LRRC4C: variants seen among roughly 807,000 people sequenced by gnomAD.
LRRC4C encodes the protein leucine rich repeat containing 4C.
A neutral mutation model predicts 33.6 loss-of-function variants in LRRC4C; 5 were observed. That is an observed-to-expected ratio of 0.15 (90% CI 0.08 to 0.31). The LOEUF is 0.31. Ranked by LOEUF, LRRC4C falls within the 10% of genes least tolerant of loss-of-function variation. LRRC4C has a pLI of 1.00. For synonymous variants in LRRC4C, 329 were observed against 302.0 expected, an observed-to-expected ratio of 1.09 and a Z score of -0.93; for missense variants, 560 against 796.7, an observed-to-expected ratio of 0.70 and a Z score of 3.58.
At chr11:41,384,038 T>C (rs771637934) in intron 1 of LRRC4C, among the ~76,000 whole-genome samples, 7 of 151,992 alleles carry the variant, frequency 4.6e-5, no homozygotes, top group Non-Finnish European at 8.8e-5. Flanking sequence ...TAGTTGTTTT[T>C]GTTGGTGTTA....
At chr11:41,313,109 A>G (rs766292444) in intron 1 of LRRC4C, among the ~76,000 whole-genome samples, 38 of 152,204 alleles carry the variant, frequency 2.5e-4, no homozygotes, top group Non-Finnish European at 4.8e-4. Context: ...TGTTTGATAC[A>G]TACGCCTCTT....
intron 3 of LRRC4C, among the ~76,000 whole-genome samples, chr11:40,596,191 G>A (rs1040257099): frequency 1.3e-5 from 2 of 152,136 alleles, no homozygotes; most frequent in African/African-American, 4.8e-5. Flanking sequence ...ATGGCGCAAG[G>A]CTAGGAGGTG....
intron 2 of LRRC4C, among the ~76,000 whole-genome samples, chr11:40,760,532 T>C (rs1949156734): frequency 6.6e-6 from 1 of 152,034 alleles, no homozygotes; most frequent in Admixed American, 6.6e-5. Flanking sequence ...CAATATTATG[T>C]ATAGAAGTGT....
chr11:41,222,000 G>A lies in LRRC4C; in HGVS notation c.-496+237431C>T, dbSNP rs182942866. On this transcript the variant is annotated intron_variant, in intron 1 of 6. Coordinates refer to ENST00000528697, the MANE Select transcript of LRRC4C (RefSeq NM_001258419.2). ...TCTCATGGCTAACAACATATCTTTG[G>A]ATGTTTCACAACCAAATAAAATCTC... Among the ~76,000 whole-genome samples, 2 of 152,258 alleles carry A rather than the reference G, an allele frequency of 1.3e-5. 1 individual carries two copies. Among genetic ancestry groups the A allele is most frequent in the East Asian group, 3.9e-4 (2 of 5,174 alleles).
At chr11:40,195,532 C>T (rs1278459678) in intron 5 of LRRC4C, among the ~76,000 whole-genome samples, 1 of 151,874 alleles carries the variant, frequency 6.6e-6, no homozygotes, top group African/African-American at 2.4e-5. Flanking sequence ...AGAGTGTGCC[C>T]TGAAGGGCAT....
chr11:41,343,158 T>C (rs1017412163), intron 1 of LRRC4C, among the ~76,000 whole-genome samples: 2 of 152,202 alleles, frequency 1.3e-5, no homozygotes, highest in Non-Finnish European at 2.9e-5. Context: ...TCTAAGATGG[T>C]CACATTCATA....
chr11:40,339,474 A>G (rs918303155), intron 3 of LRRC4C, among the ~76,000 whole-genome samples: 3 of 152,186 alleles, frequency 2.0e-5, no homozygotes, highest in Non-Finnish European at 4.4e-5. Flanking sequence ...TAAAATGTGC[A>G]CTATTTCAGA....
At chr11:41,291,174 T>C (rs1225416222) in intron 1 of LRRC4C, among the ~76,000 whole-genome samples, 1 of 152,152 alleles carries the variant, frequency 6.6e-6, no homozygotes, top group African/African-American at 2.4e-5. Flanking sequence ...ACTTTTCCAA[T>C]ATTCAAACTT....
chr11:40,984,660 C>T lies in LRRC4C; in HGVS notation c.-495-50937G>A, dbSNP rs114853419. ...AATTTACATCTAAATTACAATATTG[C>T]TACAATTTTATACGTTTAGTTAGAA... On this transcript the variant is annotated intron_variant, in intron 1 of 6. Transcript: ENST00000528697. Among the ~76,000 whole-genome samples the T allele has an allele frequency of 7.5e-3, 1,148 of 152,080 alleles. 13 individuals are homozygous for T. The highest frequency in any genetic ancestry group is 0.027 in the African/African-American group (1,101 of 41,506).
At chr11:40,693,033 G>C (rs1945300303) in intron 2 of LRRC4C, among the ~76,000 whole-genome samples, 3 of 151,998 alleles carry the variant, frequency 2.0e-5, no homozygotes, top group Non-Finnish European at 4.4e-5. Flanking sequence ...TAATATCACA[G>C]CCAGACACCA....
Position 40,300,080 on chromosome 11 carries a change from C to T in LRRC4C, c.-176+19548G>A, listed in dbSNP as rs1029361841. Among the ~76,000 whole-genome samples, 10 of 152,060 alleles carry T rather than the reference C, an allele frequency of 6.6e-5. No individual in the cohort carries two copies. The East Asian group carries it at 1.6e-3, about 24-fold the overall frequency. ...TCTACTCATGGTGGAAGGCAATGTG[C>T]GAGCATGGTGGGAGCAGGAGTAAGA... On this transcript the variant is annotated intron_variant, in intron 4 of 6. Transcript: ENST00000528697.
intron 1 of LRRC4C, among the ~76,000 whole-genome samples, chr11:41,062,532 C>T (rs1937864350): frequency 6.6e-6 from 1 of 152,048 alleles, no homozygotes; most frequent in African/African-American, 2.4e-5. Flanking sequence ...AAGTAAATAT[C>T]TATCTAATTA....
intron 1 of LRRC4C, among the ~76,000 whole-genome samples, chr11:41,098,794 G>C (rs1395280430): frequency 6.6e-6 from 1 of 151,864 alleles, no homozygotes; most frequent in Non-Finnish European, 1.5e-5. Context: ...AAAAGCAAGA[G>C]AAAACCAACA....
At chr11:41,348,611 G>C (rs991854421) in intron 1 of LRRC4C, among the ~76,000 whole-genome samples, 3 of 150,860 alleles carry the variant, frequency 2.0e-5, no homozygotes, top group African/African-American at 4.9e-5. Context: ...CCAGACTATG[G>C]AGAAGACTGT....
chr11:41,116,068 T>C (rs758085248), intron 1 of LRRC4C, among the ~76,000 whole-genome samples: 2 of 152,166 alleles, frequency 1.3e-5, no homozygotes, highest in Non-Finnish European at 2.9e-5. Flanking sequence ...TTCATGTCTT[T>C]AAGCTACCAT....
At chr11:40,581,672 G>C (rs937027610) in intron 3 of LRRC4C, among the ~76,000 whole-genome samples, 1 of 152,188 alleles carries the variant, frequency 6.6e-6, no homozygotes, top group Admixed American at 6.5e-5. Flanking sequence ...GGTAGGCCGA[G>C]GCGGGCAAAT....
intron 2 of LRRC4C, among the ~76,000 whole-genome samples, chr11:40,819,149 C>T (rs1213807205): frequency 6.6e-6 from 1 of 152,070 alleles, no homozygotes; most frequent in African/African-American, 2.4e-5. Context: ...TGAAACCATT[C>T]TCAATAAAAT....
chr11:40,979,327 G>C (rs1195903670), intron 1 of LRRC4C, among the ~76,000 whole-genome samples: 1 of 152,064 alleles, frequency 6.6e-6, no homozygotes, highest in African/African-American at 2.4e-5. Flanking sequence ...CCTGCTCTTA[G>C]TACTCTTTCA....
At chr11:41,145,593 T>G (rs1279945665) in intron 1 of LRRC4C, among the ~76,000 whole-genome samples, 1 of 152,182 alleles carries the variant, frequency 6.6e-6, no homozygotes, top group Non-Finnish European at 1.5e-5. Context: ...GCCTAAAATA[T>G]ATACTCTACA....
Sources: gnomAD v4.1 joint callset for allele counts (sites outside exome capture counted in the v4.1 genomes callset) on GRCh38, gnomAD v4.1.1 for gene constraint, MANE v1.5 for transcripts, NCBI Gene and HGNC (gene_info 2026-07-23, HGNC 2026-07-21) for gene names.